LIX1: variants seen among roughly 807,000 people sequenced by gnomAD.
The protein encoded by LIX1 is protein limb expression 1 homolog.
Under a neutral mutation model 33.4 loss-of-function variants are expected in LIX1, and 24 were observed. That is an observed-to-expected ratio of 0.72 (90% CI 0.52 to 1.01). LIX1 has a LOEUF of 1.01. LIX1 is among the 50% of genes least tolerant of loss of function. LIX1 has a pLI of 0.00. For missense variants in LIX1, 311 were observed against 339.2 expected (o/e 0.92, Z 0.65); for synonymous variants, 124 against 124.0 (o/e 1.00, Z 0.00).
At chr5:97,108,577 C>A (rs952250170) in intron 2 of LIX1, among the ~76,000 whole-genome samples, 2 of 152,186 alleles carry the variant, frequency 1.3e-5, no homozygotes. Context: ...GAGCCCATAC[C>A]TTTTGGAGAG....
chr5:97,126,516 T>C (rs186655461), intron 1 of LIX1, among the ~76,000 whole-genome samples: 1 of 152,328 alleles, frequency 6.6e-6, no homozygotes, highest in East Asian at 1.9e-4. Context: ...GGGAAAATGT[T>C]AAAAGTAGTG....
intron 2 of LIX1, among the ~76,000 whole-genome samples, chr5:97,108,362 T>C (rs1297810694): frequency 6.6e-6 from 1 of 152,190 alleles, no homozygotes; most frequent in Non-Finnish European, 1.5e-5. Context: ...TAAAAAAAAT[T>C]CACTCCTCTC....
At chr5:97,100,740 C>T (rs1362918817) in intron 4 of LIX1, among the ~76,000 whole-genome samples, 3 of 151,776 alleles carry the variant, frequency 2.0e-5, no homozygotes, top group East Asian at 1.9e-4. Flanking sequence ...GCCTGGTGTT[C>T]GCTGGCTCAT....
intron 1 of LIX1, among the ~76,000 whole-genome samples, chr5:97,137,820 C>A (rs1748203790): frequency 2.0e-5 from 3 of 152,208 alleles, no homozygotes; most frequent in Non-Finnish European, 1.5e-5. Flanking sequence ...GCCTTTACAT[C>A]CTACTCCATT....
At chr5:97,101,213 T>C (rs1746675865) in intron 4 of LIX1, among the ~76,000 whole-genome samples, 3 of 152,202 alleles carry the variant, frequency 2.0e-5, no homozygotes, top group African/African-American at 7.2e-5. Context: ...GAATTTTGAG[T>C]TTAAAAAATA....
intron 1 of LIX1, among the ~76,000 whole-genome samples, chr5:97,127,920 C>T (rs1747969928): frequency 6.6e-6 from 1 of 152,196 alleles, no homozygotes; most frequent in East Asian, 1.9e-4. Context: ...ATTTGTGCTG[C>T]TTTTCCTGGA....
intron 4 of LIX1, among the ~76,000 whole-genome samples, chr5:97,103,943 C>T (rs551090441): frequency 2.2e-5 from 3 of 137,678 alleles, no homozygotes; most frequent in Non-Finnish European, 3.0e-5. Flanking sequence ...CCAGCCTGGG[C>T]GACAGAGCTA....
At chr5:97,096,251 CAAAG>C (rs1408395644) in intron 5 of LIX1, among the ~76,000 whole-genome samples, 1 of 152,068 alleles carries the variant, frequency 6.6e-6, no homozygotes, top group African/African-American at 2.4e-5. Context: ...TCATAAATAA[CAAAG>C]AAATAGTGAG....
chr5:97,134,060 GAC>G (rs769015235), intron 1 of LIX1, among the ~76,000 whole-genome samples: 40 of 152,290 alleles, frequency 2.6e-4, no homozygotes, highest in Non-Finnish European at 4.3e-4. Context: ...CGAAAACAAA[GAC>G]AAATTGGAAA....
At chr5:97,095,087 C>G (rs1310206973) in intron 5 of LIX1, 52 bp from the exon 6 acceptor site, 1 of 1,535,912 alleles carries the variant, frequency 6.5e-7, no homozygotes, top group Middle Eastern at 2.1e-4. Context: ...AACAAAGGCA[C>G]CCGTCCACAT....
Position 97,094,716 on chromosome 5 carries a change from C to G in LIX1, c.*32G>C. On this transcript the variant is annotated 3_prime_UTR_variant, in exon 6 of 6. Transcript: ENST00000274382. ...ATTCCTAATGTTAATCTGGCCTCTGCCATCACTGAGGGTACCCGGGGCTTG... is the reference window on the plus strand; with the variant it reads ...ATTCCTAATGTTAATCTGGCCTCTGGCATCACTGAGGGTACCCGGGGCTTG... The G allele has an allele frequency of 6.2e-7, 1 of 1,601,978 alleles. No individual in the cohort carries two copies. Among genetic ancestry groups the G allele is most frequent in the Non-Finnish European group, 8.5e-7 (1 of 1,172,466 alleles).
intron 4 of LIX1, 83 bp downstream of exon 4, chr5:97,105,107 G>A (rs1746940313): frequency 1.6e-6 from 2 of 1,212,830 alleles, no homozygotes; most frequent in South Asian, 1.2e-5. Flanking sequence ...TATTGGGTCG[G>A]GAGATGTTAG....
At position 97,118,503 on chromosome 5, in the gene LIX1, A is replaced by C. The variant is rs189741663; in HGVS notation, c.246+5963T>G. Among the ~76,000 whole-genome samples, 439 of 152,230 alleles carry C rather than the reference A, an allele frequency of 2.9e-3. 2 individuals are homozygous for C. Among genetic ancestry groups the C allele is most frequent in the African/African-American group, 1.0e-2 (414 of 41,578 alleles). Reference sequence around the variant, plus strand: ...TGGCCCTTGTATTGCTCTATTGTAAAAAAATGGAAATTACTGCAAGTTTTC... The same window carrying C: ...TGGCCCTTGTATTGCTCTATTGTAACAAAATGGAAATTACTGCAAGTTTTC... On this transcript the variant is annotated intron_variant, in intron 2 of 5. Coordinates refer to ENST00000274382, the MANE Select transcript of LIX1 (RefSeq NM_153234.5).
chr5:97,136,690 G>T (rs1456178949), intron 1 of LIX1, among the ~76,000 whole-genome samples: 1 of 152,130 alleles, frequency 6.6e-6, no homozygotes. Flanking sequence ...GTTTCTCACA[G>T]CTGCTTAACG....
At chr5:97,108,552 A>T (rs966401335) in intron 2 of LIX1, among the ~76,000 whole-genome samples, 1 of 152,174 alleles carries the variant, frequency 6.6e-6, no homozygotes, top group Non-Finnish European at 1.5e-5. Flanking sequence ...CCCCATAAGT[A>T]CTGGACTGTC....
intron 2 of LIX1, among the ~76,000 whole-genome samples, chr5:97,112,798 TAAAAAAAAAAAA>T (rs534869921): frequency 9.2e-6 from 1 of 108,346 alleles, no homozygotes; most frequent in Non-Finnish European, 2.2e-5. Context: ...AAAATTAAAG[TAAAAAAAAAAAA>T]AAAAAAAAGA....
intron 2 of LIX1, among the ~76,000 whole-genome samples, chr5:97,113,128 C>T (rs906960878): frequency 3.9e-5 from 6 of 152,300 alleles, no homozygotes; most frequent in African/African-American, 1.4e-4. Context: ...TATGAGCAGT[C>T]CCAAGGAAAG....
chr5:97,103,028 G>T, intron 4 of LIX1: 1 of 452,402 alleles, frequency 2.2e-6, no homozygotes, highest in Non-Finnish European at 4.4e-6. Flanking sequence ...TTTTATAGAT[G>T]AGAAAACTGA....
intron 1 of LIX1, among the ~76,000 whole-genome samples, chr5:97,126,452 A>G (rs1168660082): frequency 3.3e-5 from 5 of 152,186 alleles, no homozygotes; most frequent in Admixed American, 3.3e-4. Context: ...GTTGCCATGT[A>G]TATTTAAAAA....
Sources: allele counts gnomAD v4.1 joint callset (sites outside exome capture counted in the v4.1 genomes callset), GRCh38; gene constraint gnomAD v4.1.1; transcripts MANE v1.5; gene names NCBI Gene and HGNC (gene_info 2026-07-23, HGNC 2026-07-21).